Variants in CORO1C observed in about 807,000 individuals in gnomAD.
The protein encoded by CORO1C is coronin 1C, also known as coronin-1C.
A neutral mutation model predicts 51.2 loss-of-function variants in CORO1C; 14 were observed. The observed-to-expected ratio is 0.27, with a 90% CI of 0.18 to 0.43. CORO1C has a LOEUF of 0.43. Ranked by LOEUF, CORO1C falls within the 20% of genes least tolerant of loss-of-function variation. The pLI is 1.00. For synonymous variants in CORO1C, 181 were observed against 210.5 expected (o/e 0.86, Z 1.21); for missense variants, 417 against 607.8 (o/e 0.69, Z 3.30).
chr12:108,658,788 T>C lies in CORO1C; in HGVS notation c.580A>G (p.Lys194Glu), dbSNP rs1240684413. The C allele has an allele frequency of 1.2e-6, 2 of 1,613,446 alleles. No individual in the cohort carries two copies. The change falls in exon 5 of 11, where the codon AAA becomes GAA. Residue 194 changes from lysine (K) to glutamate (E), a missense_variant. Coordinates refer to ENST00000261401, the MANE Select transcript of CORO1C (RefSeq NM_014325.4). This position sits in a 1 kb window ranked among gnomAD's most constrained non-coding sequence, Gnocchi z 4.9. The part of the protein sequence containing the change: ...RNGSLICTAS[K>E]DKKVRVIDPR... ...TCAATGACTCTCACTTTCTTGTCTTTGGAAGCTGTGCAGATCAGACTGCCA... is the reference window on the plus strand; with the variant it reads ...TCAATGACTCTCACTTTCTTGTCTTCGGAAGCTGTGCAGATCAGACTGCCA...
intron 2 of CORO1C, among the ~76,000 whole-genome samples, chr12:108,696,805 G>T (rs1344513): frequency 0.057 from 8,673 of 152,212 alleles, 511 homozygotes; most frequent in East Asian, 0.32. Context: ...AAAGAGAGTG[G>T]GAATCACGTG....
intron 1 of CORO1C, chr12:108,730,610 T>C (rs2035697482): frequency 6.6e-6 from 1 of 152,440 alleles, no homozygotes; most frequent in African/African-American, 2.4e-5. Context: ...GCCCCGCTAT[T>C]AGGGAAACAC....
chr12:108,656,932 C>G (rs996413654), intron 6 of CORO1C, among the ~76,000 whole-genome samples: 4 of 152,124 alleles, frequency 2.6e-5, no homozygotes, highest in African/African-American at 9.7e-5. Context: ...AGGGTCCTCT[C>G]CCTAGGAAAA....
rs1468903365 is a variant in CORO1C, at chr12:108,646,681, G to A, written c.*722C>T. 6.6e-6 allele frequency: 1 copy of A among 152,178 alleles called. No homozygotes were observed. The highest frequency in any genetic ancestry group is 1.5e-5 in the Non-Finnish European group (1 of 68,016). 9.4% of individuals were successfully genotyped at this position (152,178 alleles called of 1,614,324 possible). The stretch of plus-strand genomic sequence containing the variant: ...GAAAGGAAAAGAAGAAATACGACGT[G>A]AGCTTTTTTGATCAGAAGACTCCAT... On this transcript the variant is annotated 3_prime_UTR_variant, in exon 11 of 11. Coordinates refer to ENST00000261401, the MANE Select transcript of CORO1C (RefSeq NM_014325.4).
At chr12:108,683,227 G>A (rs2034183849) in intron 2 of CORO1C, among the ~76,000 whole-genome samples, 1 of 152,094 alleles carries the variant, frequency 6.6e-6, no homozygotes, top group Non-Finnish European at 1.5e-5. Flanking sequence ...GGACCAGCCT[G>A]GCCAACATAG....
At chr12:108,664,693 T>C (rs1342987374) in intron 3 of CORO1C, among the ~76,000 whole-genome samples, 7 of 152,176 alleles carry the variant, frequency 4.6e-5, no homozygotes, top group East Asian at 3.8e-4. Context: ...GCGGAGAACA[T>C]GGGCATCTGC....
intron 1 of CORO1C, among the ~76,000 whole-genome samples, chr12:108,709,269 T>C (rs778845008): frequency 1.2e-3 from 188 of 152,284 alleles, no homozygotes; most frequent in Non-Finnish European, 2.3e-3. Flanking sequence ...CTAACAAATG[T>C]TGGCAATTAT....
At chr12:108,728,430 T>C (rs531266239) in intron 1 of CORO1C, among the ~76,000 whole-genome samples, 1 of 151,524 alleles carries the variant, frequency 6.6e-6, no homozygotes, top group African/African-American at 2.4e-5. Flanking sequence ...AAAGACCACA[T>C]AGTGTATGAT....
intron 4 of CORO1C, among the ~76,000 whole-genome samples, chr12:108,660,731 A>G (rs2033227025): frequency 2.0e-5 from 3 of 152,158 alleles, no homozygotes; most frequent in Non-Finnish European, 4.4e-5. Context: ...GTAGCAGGGA[A>G]TTTTCCATGA....
intron 4 of CORO1C, 129 bp from the exon 5 acceptor site, chr12:108,659,048 G>A (rs2033146903): frequency 1.1e-6 from 1 of 937,782 alleles, no homozygotes; most frequent in Non-Finnish European, 1.5e-6. Flanking sequence ...GAGAGAGAGA[G>A]AAAAGATGCG....
Position 108,648,693 on chromosome 12 carries a change from T to C in CORO1C, c.1217A>G (p.Lys406Arg). 5 of 1,614,162 alleles carry C rather than the reference T, an allele frequency of 3.1e-6. No individual in the cohort carries two copies. The highest frequency in any genetic ancestry group is 4.2e-6 in the Non-Finnish European group (5 of 1,180,014). ...PGKNRDLKVVKKNILDSKPTA... is the reference protein window; with the variant it reads ...PGKNRDLKVVRKNILDSKPTA... ...GGGCTTGCTATCCAGAATGTTCTTC[T>C]TGACCACCTTGAGATCCCTGTTTTT... Residue 406 changes from lysine (K) to arginine (R), a missense_variant, in exon 10 of 11, where the codon AAG (lysine) becomes AGG (arginine). Physicochemically the swap from Lys to Arg is conservative, Grantham distance 26 (BLOSUM62 2). Transcript: ENST00000261401.
intron 2 of CORO1C, among the ~76,000 whole-genome samples, chr12:108,691,669 T>C (rs899038303): frequency 1.3e-5 from 2 of 152,166 alleles, no homozygotes; most frequent in Admixed American, 6.5e-5. Context: ...GGAAGGAAAT[T>C]ATCCTGGCCG....
At chr12:108,675,502 A>C (rs1290756869) in intron 3 of CORO1C, among the ~76,000 whole-genome samples, 8 of 152,206 alleles carry the variant, frequency 5.3e-5, no homozygotes, top group African/African-American at 1.2e-4. Context: ...GGAAAAAAAA[A>C]CCCTAATTTG....
intron 1 of CORO1C, among the ~76,000 whole-genome samples, chr12:108,713,292 A>C (rs2035234976): frequency 6.6e-6 from 1 of 152,220 alleles, no homozygotes; most frequent in Non-Finnish European, 1.5e-5. Context: ...AAAACTATTG[A>C]CCACTTAGCA....
intron 2 of CORO1C, among the ~76,000 whole-genome samples, chr12:108,694,797 T>C (rs2034620255): frequency 6.6e-6 from 1 of 152,214 alleles, no homozygotes; most frequent in South Asian, 2.1e-4. Flanking sequence ...CGTAGATTTT[T>C]TTCTTAAAGG....
At chr12:108,684,483 T>C (rs1317869116) in intron 2 of CORO1C, among the ~76,000 whole-genome samples, 4 of 152,200 alleles carry the variant, frequency 2.6e-5, no homozygotes, top group African/African-American at 7.2e-5. Flanking sequence ...ATTGCCGCAT[T>C]GTTGGAAATA....
At chr12:108,712,434 C>T (rs893699570) in intron 1 of CORO1C, among the ~76,000 whole-genome samples, 4 of 151,350 alleles carry the variant, frequency 2.6e-5, no homozygotes, top group East Asian at 1.9e-4. Context: ...ATCAGGTGGG[C>T]GTGGTTGCAG....
chr12:108,723,620 T>C (rs2035524754), intron 1 of CORO1C, among the ~76,000 whole-genome samples: 1 of 152,234 alleles, frequency 6.6e-6, no homozygotes, highest in Non-Finnish European at 1.5e-5. Flanking sequence ...AGTTCCACAA[T>C]GGAGCAAGAA....
At chr12:108,693,083 C>A (rs1366253226) in intron 2 of CORO1C, among the ~76,000 whole-genome samples, 1 of 152,012 alleles carries the variant, frequency 6.6e-6, no homozygotes, top group Non-Finnish European at 1.5e-5. Context: ...CAAGCTTGAG[C>A]CACCGCGCCC....
Sources: gnomAD v4.1 joint callset for allele counts (sites outside exome capture counted in the v4.1 genomes callset) on GRCh38, gnomAD v4.1.1 for gene constraint, Gnocchi (gnomAD v3.1) non-coding constraint, MANE v1.5 for transcripts, NCBI Gene and HGNC (gene_info 2026-07-23, HGNC 2026-07-21) for gene names.